Variants in FHIP2A observed in about 807,000 individuals in gnomAD.
The protein encoded by FHIP2A is FHF complex subunit HOOK interacting protein 2A.
FHIP2A carries 46 observed loss-of-function variants against 93.5 expected under a neutral mutation model. That is an observed-to-expected ratio of 0.49 (90% CI 0.39 to 0.63). The LOEUF (loss-of-function observed/expected upper bound fraction) is 0.63. Among genes scored for constraint, FHIP2A ranks in the 20% least tolerant of loss-of-function variants. The pLI is 0.00. For missense variants in FHIP2A, 769 were observed against 909.7 expected, an observed-to-expected ratio of 0.85 and a Z score of 1.99; for synonymous variants, 332 against 326.5, an observed-to-expected ratio of 1.02 and a Z score of -0.18.
At chr10:114,886,336 T>C (rs2083942528) in intron 16 of FHIP2A, among the ~76,000 whole-genome samples, 1 of 152,148 alleles carries the variant, frequency 6.6e-6, no homozygotes, top group African/African-American at 2.4e-5. Flanking sequence ...GAGTCCATGA[T>C]TGTGGATGTT....
intron 16 of FHIP2A, among the ~76,000 whole-genome samples, chr10:114,871,866 TA>T (rs2083861768): frequency 6.6e-6 from 1 of 152,162 alleles, no homozygotes; most frequent in South Asian, 2.1e-4. Flanking sequence ...TTTTCTACAT[TA>T]CCCCGGGAAG....
chr10:114,840,090 G>A (rs1384977212), intron 5 of FHIP2A, among the ~76,000 whole-genome samples: 1 of 151,806 alleles, frequency 6.6e-6, no homozygotes, highest in East Asian at 2.0e-4. Flanking sequence ...TCCTGGAAGA[G>A]GTCATCTTTG....
intron 7 of FHIP2A, among the ~76,000 whole-genome samples, chr10:114,844,196 A>G (rs1485303100): frequency 6.6e-6 from 1 of 152,206 alleles, no homozygotes; most frequent in South Asian, 2.1e-4. Flanking sequence ...ATTAAAATCA[A>G]TAATTTTAAC....
chr10:114,844,342 C>G (rs977807034), intron 7 of FHIP2A, among the ~76,000 whole-genome samples: 6 of 152,176 alleles, frequency 3.9e-5, no homozygotes. Flanking sequence ...ACCTCTTCTT[C>G]CTACCTTTTA....
intron 14 of FHIP2A, among the ~76,000 whole-genome samples, chr10:114,860,115 A>G (rs1010675652): frequency 2.0e-5 from 3 of 152,204 alleles, no homozygotes; most frequent in Non-Finnish European, 4.4e-5. Context: ...AATATTATAT[A>G]TGACACACTG....
intron 5 of FHIP2A, 148 bp downstream of exon 5, chr10:114,836,394 C>G: frequency 1.5e-6 from 1 of 647,384 alleles, no homozygotes; most frequent in Non-Finnish European, 2.6e-6. Flanking sequence ...TTTAATATCA[C>G]TATTTTATTC....
intron 1 of FHIP2A, among the ~76,000 whole-genome samples, chr10:114,825,289 G>A (rs938215561): frequency 6.6e-6 from 1 of 152,078 alleles, no homozygotes; most frequent in African/African-American, 2.4e-5. Context: ...ATCTCCTAAA[G>A]TGCCAGGATT....
At chr10:114,886,742 G>T (rs2083945155) in intron 16 of FHIP2A, among the ~76,000 whole-genome samples, 1 of 151,942 alleles carries the variant, frequency 6.6e-6, no homozygotes, top group Non-Finnish European at 1.5e-5. Context: ...ACGGGGTTTT[G>T]CCATGTTGAC....
Position 114,836,025 on chromosome 10 carries a change from A to G in FHIP2A, c.400-99A>G, listed in dbSNP as rs543087902. 9 of 836,798 alleles carry G rather than the reference A, an allele frequency of 1.1e-5. No homozygotes were observed. The South Asian group carries it at 1.1e-4, about 11-fold the overall frequency. The allele number at this position is 836,798 out of a possible 1,614,324, so 51.8% of individuals were successfully genotyped here. A position where few individuals can be genotyped will look rare whatever the true frequency, so the allele number is the denominator to read the frequency against. ...GATTAATGCAGGATATTTGCATTAT[A>G]TGAAAAATTTAAATATCCTTAAGGT... On this transcript the variant is annotated intron_variant, in intron 4 of 16. Transcript: ENST00000369248.
Position 114,842,199 on chromosome 10 carries a change from C to T in FHIP2A, c.523-734C>T, listed in dbSNP as rs963473193. Among the ~76,000 whole-genome samples, 3 of 151,948 alleles carry T rather than the reference C, an allele frequency of 2.0e-5. No individual in the cohort carries two copies. In the East Asian group the frequency reaches 5.8e-4, roughly 29 times the overall value. The stretch of plus-strand genomic sequence containing the variant: ...CACTCAGCCTCCCAAGGCCTAGGAC[C>T]ATAGGTGCAAGCCACCACACCCAGC... On this transcript the variant is annotated intron_variant, in intron 5 of 16. Transcript: ENST00000369248.
intron 5 of FHIP2A, among the ~76,000 whole-genome samples, chr10:114,842,693 A>G (rs1041117561): frequency 6.6e-6 from 1 of 152,152 alleles, no homozygotes. Context: ...AATACTGTTC[A>G]TTGCTTATGG....
At chr10:114,882,581 G>C (rs190035026) in intron 16 of FHIP2A, among the ~76,000 whole-genome samples, 110 of 152,254 alleles carry the variant, frequency 7.2e-4, no homozygotes, top group African/African-American at 2.5e-3. Flanking sequence ...ATCGCAATGT[G>C]GGATATGATG....
intron 14 of FHIP2A, among the ~76,000 whole-genome samples, chr10:114,858,979 AC>A (rs55847933): frequency 5.3e-5 from 8 of 151,062 alleles, no homozygotes; most frequent in South Asian, 2.1e-4. Flanking sequence ...TATCACATGG[AC>A]CCCCCCCAAA....
At chr10:114,857,636 T>C (rs927056189) in intron 14 of FHIP2A, among the ~76,000 whole-genome samples, 1 of 152,136 alleles carries the variant, frequency 6.6e-6, no homozygotes, top group Admixed American at 6.6e-5. Context: ...TTTCTTTTTC[T>C]TTTGTTTTTC....
chr10:114,861,143 G>T, intron 15 of FHIP2A, 88 bp from the exon 16 acceptor site: 2 of 1,531,348 alleles, frequency 1.3e-6, no homozygotes, highest in East Asian at 4.5e-5. Flanking sequence ...TTATTAAATA[G>T]TAGGGAAGGA....
At chr10:114,889,629 C>T (rs990884060) in intron 16 of FHIP2A, among the ~76,000 whole-genome samples, 2 of 152,190 alleles carry the variant, frequency 1.3e-5, no homozygotes, top group African/African-American at 4.8e-5. Flanking sequence ...CTCCATCATC[C>T]CTATCCACAT....
chr10:114,855,306 T>C lies in FHIP2A; in HGVS notation c.1913T>C (p.Val638Ala). The C allele has an allele frequency of 3.1e-6, 5 of 1,614,024 alleles. No homozygotes were observed. The highest frequency in any genetic ancestry group is 4.2e-6 in the Non-Finnish European group (5 of 1,179,874). Residue 638 changes from valine (V) to alanine (A), a missense_variant, in exon 14 of 17, where the codon GTG becomes GCG. By Grantham distance (64) the Val-to-Ala change is moderately conservative. Transcript: ENST00000369248. ...TTCTTTGAAGGTCATTTTTTGAAAG[T>C]GCTGTTCGACAGAATGGGAAGAATT... Reference protein sequence around the residue: ...AAFFEGHFLKVLFDRMGRILD... With the variant: ...AAFFEGHFLKALFDRMGRILD...
chr10:114,826,384 A>G (rs1349555679), intron 1 of FHIP2A, among the ~76,000 whole-genome samples: 2 of 152,244 alleles, frequency 1.3e-5, no homozygotes, highest in Non-Finnish European at 2.9e-5. Context: ...CTTGATATGT[A>G]TACATTTCCA....
Position 114,887,518 on chromosome 10 carries a change from C to T in FHIP2A, c.2193-11972C>T, listed in dbSNP as rs113721756. On this transcript the variant is annotated intron_variant, in intron 16 of 16. Coordinates refer to the FHIP2A transcript ENST00000369250. ...CAGACAAACAATTTGCCAAAGGTCA[C>T]CCAGCTAGGAAGTGGTAGAAGCAGA... Among the ~76,000 whole-genome samples, 1,191 of 152,306 alleles carry T rather than the reference C, an allele frequency of 7.8e-3. 4 individuals are homozygous for T. The highest frequency in any genetic ancestry group is 0.011 in the Admixed American group (161 of 15,302).
Sources: gnomAD v4.1 joint callset for allele counts (sites outside exome capture counted in the v4.1 genomes callset) on GRCh38, gnomAD v4.1.1 for gene constraint, MANE v1.5 for transcripts, NCBI Gene and HGNC (gene_info 2026-07-23, HGNC 2026-07-21) for gene names.